LARP1: variants seen among roughly 807,000 people sequenced by gnomAD.
LARP1 encodes la-related protein 1.
A neutral mutation model predicts 122.7 loss-of-function variants in LARP1; 36 were observed. The observed-to-expected ratio is 0.29, with a 90% CI of 0.22 to 0.39. The LOEUF (loss-of-function observed/expected upper bound fraction) is 0.39, where lower values mean the gene tolerates loss of function less well. LARP1 is among the 10% of genes least tolerant of loss of function. The pLI is 1.00. For missense variants in LARP1, 1,040 were observed against 1,403.6 expected (o/e 0.74, Z 4.14); for synonymous variants, 539 against 528.7 (o/e 1.02, Z -0.27).
chr5:154,734,593 T>C (rs1045894172), intron 1 of LARP1, among the ~76,000 whole-genome samples: 2 of 152,122 alleles, frequency 1.3e-5, no homozygotes, highest in Admixed American at 6.6e-5. Flanking sequence ...AAACCAGCTG[T>C]TTTTCAGTGA....
chr5:154,782,151 T>C (rs1756500630), intron 1 of LARP1, among the ~76,000 whole-genome samples: 1 of 152,226 alleles, frequency 6.6e-6, no homozygotes, highest in Non-Finnish European at 1.5e-5. Context: ...TCTGGACAAC[T>C]GGAATAATTG....
At chr5:154,789,513 G>C (rs1317022858) in intron 1 of LARP1, among the ~76,000 whole-genome samples, 1 of 152,072 alleles carries the variant, frequency 6.6e-6, no homozygotes, top group Non-Finnish European at 1.5e-5. Context: ...GAGCCACTGC[G>C]CCTGGCCACA....
At chr5:154,805,242 A>G (rs1758673816) in intron 14 of LARP1, 1 of 258,814 alleles carries the variant, frequency 3.9e-6, no homozygotes, top group Non-Finnish European at 7.6e-6. Flanking sequence ...ATCATAAGAG[A>G]AAATATTTAC....
chr5:154,685,523 T>C (rs1753889318), intron 1 of LARP1, among the ~76,000 whole-genome samples: 1 of 152,186 alleles, frequency 6.6e-6, no homozygotes, highest in African/African-American at 2.4e-5. Flanking sequence ...TCTAAGGGTT[T>C]AGCGTAGAAA....
At chr5:154,748,678 T>C (rs1250783717) in intron 1 of LARP1, among the ~76,000 whole-genome samples, 1 of 152,252 alleles carries the variant, frequency 6.6e-6, no homozygotes, top group Non-Finnish European at 1.5e-5. Flanking sequence ...GCTATACATG[T>C]CATTGTGCTA....
At chr5:154,700,709 GACC>G (rs35583345) in intron 1 of LARP1, among the ~76,000 whole-genome samples, 13,973 of 151,296 alleles carry the variant, frequency 0.092, 866 homozygotes, top group East Asian at 0.29. Context: ...CTGCAGCCTT[GACC>G]TCCCAGGCTC....
chr5:154,701,052 T>A (rs1386089778), intron 1 of LARP1, among the ~76,000 whole-genome samples: 1 of 152,218 alleles, frequency 6.6e-6, no homozygotes, highest in Non-Finnish European at 1.5e-5. Flanking sequence ...CAAGATATTC[T>A]TCCTCCTCAA....
intron 1 of LARP1, among the ~76,000 whole-genome samples, chr5:154,716,265 G>A (rs906712900): frequency 1.3e-5 from 2 of 151,970 alleles, no homozygotes; most frequent in Non-Finnish European, 2.9e-5. Context: ...GATTACAGGC[G>A]CCCGCCACCA....
chr5:154,803,292 A>G lies in LARP1; in HGVS notation c.2112A>G (p.Gln704=), dbSNP rs1234101007. The G allele has an allele frequency of 6.2e-7, 1 of 1,614,066 alleles. No homozygotes were observed. Among genetic ancestry groups the G allele is most frequent in the African/African-American group, 1.3e-5 (1 of 74,920 alleles). The change falls in exon 12 of 19, where the codon CAA becomes CAG. Residue 704 remains glutamine (Q), a splice_region_variant and synonymous_variant. Transcript: ENST00000518297. The surrounding 1 kb of genome is among the most constrained non-coding windows in gnomAD (Gnocchi z 4.4). ...CACTCATCTCATGACCTCTGCAGCAAGAAGTCGAGAACTTCAAAAAGGTCA... is the reference window on the plus strand; with the variant it reads ...CACTCATCTCATGACCTCTGCAGCAGGAAGTCGAGAACTTCAAAAAGGTCA... The part of the protein sequence containing the change: ...KFEPEYSQIK[Q]EVENFKKVNM...
chr5:154,685,808 A>AT, intron 1 of LARP1: 1 of 452,736 alleles, frequency 2.2e-6, no homozygotes, highest in Admixed American at 2.3e-5. Context: ...TCAACTCTAC[A>AT]ATTTTTTTTT....
At chr5:154,779,310 T>C (rs1276227235) in intron 1 of LARP1, among the ~76,000 whole-genome samples, 1 of 152,124 alleles carries the variant, frequency 6.6e-6, no homozygotes, top group African/African-American at 2.4e-5. Context: ...CATGAGAGAT[T>C]GCTCAGTTTT....
chr5:154,771,981 C>G (rs1428644125), intron 1 of LARP1, among the ~76,000 whole-genome samples: 1 of 152,182 alleles, frequency 6.6e-6, no homozygotes, highest in Admixed American at 6.5e-5. Context: ...TCAGGTTGCT[C>G]AGGCAACACC....
At chr5:154,792,142 T>C in intron 3 of LARP1, 1 of 346,754 alleles carries the variant, frequency 2.9e-6, no homozygotes, top group South Asian at 2.2e-5. Context: ...CTTATAAAAT[T>C]CTCTTGGGGC....
intron 1 of LARP1, among the ~76,000 whole-genome samples, chr5:154,775,884 A>T (rs576982438): frequency 1.7e-4 from 26 of 152,352 alleles, no homozygotes; most frequent in Non-Finnish European, 3.5e-4. Context: ...GAGTCTTCTA[A>T]AACTGGGATA....
chr5:154,689,487 G>A (rs1230437067), intron 1 of LARP1, among the ~76,000 whole-genome samples: 1 of 151,502 alleles, frequency 6.6e-6, no homozygotes, highest in African/African-American at 2.4e-5. Flanking sequence ...TGGCGAGGTG[G>A]CAGGCACCTG....
upstream of LARP1, among the ~76,000 whole-genome samples, chr5:154,711,661 A>C (rs1448954354): frequency 6.6e-6 from 1 of 152,198 alleles, no homozygotes; most frequent in East Asian, 1.9e-4. Context: ...GGCAAGTTGA[A>C]TCATCTTTCT....
upstream of LARP1, among the ~76,000 whole-genome samples, chr5:154,754,205 T>C (rs1373374849): frequency 1.3e-5 from 2 of 152,212 alleles, no homozygotes; most frequent in Non-Finnish European, 2.9e-5. Context: ...TTATTACTTG[T>C]TTATTGTCTC....
At position 154,704,185 on chromosome 5, in the gene LARP1, A is replaced by T. The variant is rs902908702; in HGVS notation, c.-180+21148A>T. ...TTTTTTCTAAATGAGAAATGGGTTA[A>T]TTACAAGTACGATAAGCACTGAGAA... On this transcript the variant is annotated intron_variant, in intron 1 of 18. Transcript: ENST00000687700. 2.0e-5 allele frequency among the ~76,000 whole-genome samples: 3 copies of T among 152,362 alleles called. No individual in the cohort carries two copies. The South Asian group carries it at 6.2e-4, about 32-fold the overall frequency.
chr5:154,710,593 A>T (rs1310635732), upstream of LARP1, among the ~76,000 whole-genome samples: 1 of 151,952 alleles, frequency 6.6e-6, no homozygotes, highest in Non-Finnish European at 1.5e-5. Context: ...AATTCAAAAA[A>T]TTAGCCGGGC....
Sources: allele counts gnomAD v4.1 joint callset (sites outside exome capture counted in the v4.1 genomes callset), GRCh38; gene constraint gnomAD v4.1.1; non-coding constraint Gnocchi (gnomAD v3.1); transcripts MANE v1.5; gene names NCBI Gene and HGNC (gene_info 2026-07-23, HGNC 2026-07-21).